COL6A2: variants seen among roughly 807,000 people sequenced by gnomAD.
COL6A2 encodes the protein collagen type VI alpha 2 chain, also known as collagen alpha-2(VI) chain.
COL6A2 carries 90 observed loss-of-function variants against 124.9 expected under a neutral mutation model. That is an observed-to-expected ratio of 0.72 (90% CI 0.61 to 0.86). The LOEUF (loss-of-function observed/expected upper bound fraction) is 0.86. Among genes scored for constraint, COL6A2 ranks in the 40% least tolerant of loss-of-function variants. COL6A2 has a pLI of 0.00. For synonymous variants in COL6A2, 793 were observed against 618.2 expected (o/e 1.28, Z -4.19); for missense variants, 1,607 against 1,502.5 (o/e 1.07, Z -1.15).
In COL6A2 at chr21:46,111,960, C is replaced by CA; in HGVS notation, c.116-18dup. On this transcript the variant is annotated intron_variant, in intron 2 of 27. Coordinates refer to ENST00000300527, the MANE Select transcript of COL6A2 (RefSeq NM_001849.4). ...AGTCCCTCCTGAGGCTGGCTCGTGA[C>CA]AGGTCCTGTGCCCCACAGAGAAGAC... The CA allele has an allele frequency of 6.2e-7, 1 of 1,607,902 alleles. No individual in the cohort carries two copies. Among genetic ancestry groups the CA allele is most frequent in the South Asian group, 1.1e-5 (1 of 91,032 alleles).
chr21:46,098,586 C>T (rs1601197347), intron 1 of COL6A2, among the ~76,000 whole-genome samples: 1 of 151,688 alleles, frequency 6.6e-6, no homozygotes, highest in East Asian at 1.9e-4. Context: ...GCGGGGAAGA[C>T]GCCCCGGCTG....
In COL6A2 at chr21:46,123,534, G is replaced by A. The variant is rs192740499; in HGVS notation, c.1671+597G>A. ...ATGGATGGGCAAGTGGATGGGGGTG[G>A]GCAAATGGATGGATGGGAGGATGGG... On this transcript the variant is annotated intron_variant, in intron 21 of 27. Transcript: ENST00000300527. Among the ~76,000 whole-genome samples, 16 of 151,790 alleles carry A rather than the reference G, an allele frequency of 1.1e-4. No individual in the cohort carries two copies. The East Asian group carries it at 3.1e-3, about 30-fold the overall frequency.
chr21:46,127,057 C>T (rs985566461), intron 27 of COL6A2, among the ~76,000 whole-genome samples: 2 of 152,156 alleles, frequency 1.3e-5, no homozygotes, highest in Admixed American at 6.5e-5. Flanking sequence ...ATGTGGCCCA[C>T]GTGGGTGTGA....
chr21:46,132,432 G>C lies in COL6A2; in HGVS notation c.2940G>C (p.Val980=). 6.2e-7 allele frequency: 1 copy of C among 1,606,748 alleles called. No individual in the cohort carries two copies. The highest frequency in any genetic ancestry group is 8.5e-7 in the Non-Finnish European group (1 of 1,176,842). The change falls in exon 28 of 28, where the codon GTG becomes GTC. Residue 980 remains valine (V), a synonymous_variant. Transcript: ENST00000300527. ...VPTVLALGSD[V]DMDVLTTLSL... is the part of the protein sequence containing the mutation. ...CCGTGCTGGCCTTGGGCAGCGACGTGGACATGGACGTGCTCACCACGCTCA... is the reference window on the plus strand; with the variant it reads ...CCGTGCTGGCCTTGGGCAGCGACGTCGACATGGACGTGCTCACCACGCTCA...
Position 46,132,206 on chromosome 21 carries a change from T to C in COL6A2, c.2714T>C (p.Leu905Pro), listed in dbSNP as rs1342403683. The C allele has an allele frequency of 6.3e-7, 1 of 1,587,304 alleles. No individual in the cohort carries two copies. Among genetic ancestry groups the C allele is most frequent in the Non-Finnish European group, 8.6e-7 (1 of 1,168,030 alleles). Residue 905 changes from leucine to proline, a missense_variant, in exon 28 of 28, where the codon CTG (leucine) becomes CCG (proline). By Grantham distance (98) the Leu-to-Pro change is moderately conservative. Around this residue, in one of 3 missense-constraint regions of COL6A2, gnomAD observed 1,223 missense variants for 1,052.2 expected, o/e 1.16. Coordinates refer to ENST00000300527, the MANE Select transcript of COL6A2 (RefSeq NM_001849.4). ...SHNLTAIHEA[L>P]ETTQYLNSFS... Reference sequence around the variant, plus strand: ...AACCTCACGGCCATCCACGAGGCGCTGGAGACCACACAATACCTGAACTCC... The same window carrying C: ...AACCTCACGGCCATCCACGAGGCGCCGGAGACCACACAATACCTGAACTCC...
chr21:46,115,780 C>A, intron 5 of COL6A2, 92 bp from the exon 6 acceptor site: 2 of 1,147,322 alleles, frequency 1.7e-6, no homozygotes, highest in Non-Finnish European at 2.6e-6. Flanking sequence ...GTAACCTCTG[C>A]TGTGTCACCT....
At position 46,118,531 on chromosome 21, in the gene COL6A2, G is replaced by T. The variant is rs745687425; in HGVS notation, c.1117-83G>T. 6.6e-6 allele frequency: 9 copies of T among 1,353,550 alleles called. No individual in the cohort carries two copies. The African/African-American group carries it at 1.3e-4, about 19-fold the overall frequency. The allele number at this position is 1,353,550 out of a possible 1,614,324, so 83.8% of individuals were successfully genotyped here. A position where few individuals can be genotyped will look rare whatever the true frequency, so the allele number is the denominator to read the frequency against. On this transcript the variant is annotated intron_variant, in intron 12 of 27. Coordinates refer to ENST00000300527, the MANE Select transcript of COL6A2 (RefSeq NM_001849.4). ...GGGAGGTGCAGTCCCAAGCCCGACC[G>T]TGGGTCCTGCCCCCGCAGCGGGCAT...
In COL6A2 at chr21:46,119,138, T is replaced by C; in HGVS notation, c.1269+19T>C. On this transcript the variant is annotated intron_variant, in intron 14 of 27. Coordinates refer to ENST00000300527, the MANE Select transcript of COL6A2 (RefSeq NM_001849.4). ...CGAGCCGGTGAGTCCCTCCTGCCCC[T>C]GCCTCAGGGCCCCGCTCTGGGCATC... 1 of 1,592,750 alleles carries C rather than the reference T, an allele frequency of 6.3e-7. No homozygotes were observed. Among genetic ancestry groups the C allele is most frequent in the South Asian group, 1.1e-5 (1 of 90,148 alleles).
At position 46,117,930 on chromosome 21, in the gene COL6A2, C is replaced by T. The variant is rs371161891; in HGVS notation, c.1110C>T (p.Gly370=). ...GTCCAGGGGAGCGAGGAGACCAAGG[C>T]GGCAAGGTAAGTGGCCTTGTCAGGG... ...AGSPGERGDQ[G]GKGDPGRPGR... The change falls in exon 12 of 28, where the codon GGC becomes GGT. Residue 370 remains glycine (G), a synonymous_variant. Coordinates refer to ENST00000300527, the MANE Select transcript of COL6A2 (RefSeq NM_001849.4). 1.8e-5 allele frequency: 29 copies of T among 1,612,492 alleles called. No individual in the cohort carries two copies. Among genetic ancestry groups the T allele is most frequent in the Middle Eastern group, 1.6e-4 (1 of 6,080 alleles).
chr21:46,115,849 T>C (rs776075744), intron 5 of COL6A2, 23 bp from the exon 6 acceptor site: 4 of 1,612,232 alleles, frequency 2.5e-6, no homozygotes, highest in African/African-American at 1.3e-5. Context: ...CCTGCCTCGA[T>C]GTACTCTTTT....
chr21:46,121,686 G>C (rs1378312758), intron 18 of COL6A2, 68 bp downstream of exon 18: 4 of 1,507,402 alleles, frequency 2.7e-6, no homozygotes, highest in East Asian at 4.6e-5. Context: ...CAGGACAGGG[G>C]GCCGGCCTGG....
intron 26 of COL6A2, 111 bp downstream of exon 26, chr21:46,126,348 T>C: frequency 2.0e-6 from 3 of 1,513,306 alleles, no homozygotes; most frequent in East Asian, 4.5e-5. Flanking sequence ...CAGCCCAGGA[T>C]CTTGGGCTGT....
rs560654553 is a variant in COL6A2 at position 46,132,672 on chromosome 21, C to T, written c.*120C>T. ...ACTCGGACGACGCCCTGGGCCTGCA[C>T]CTCTCCAGCTCCTCCCACGGGGTCC... On this transcript the variant is annotated 3_prime_UTR_variant, in exon 28 of 28. Transcript: ENST00000300527. The T allele has an allele frequency of 3.9e-6, 4 of 1,031,780 alleles. No individual in the cohort carries two copies. The highest frequency in any genetic ancestry group is 2.6e-5 in the East Asian group (1 of 38,172). The allele number at this position is 1,031,780 out of a possible 1,614,324, so 63.9% of individuals were successfully genotyped here.
rs772728908 is a variant in COL6A2, at chr21:46,124,546, C to A, written c.1672-105C>A. 42 of 1,007,716 alleles carry A rather than the reference C, an allele frequency of 4.2e-5. 1 individual carries two copies. Among genetic ancestry groups the A allele is most frequent in the Non-Finnish European group, 5.4e-5 (35 of 643,436 alleles). 62.4% of individuals were successfully genotyped at this position (1,007,716 alleles called of 1,614,324 possible). A position where few individuals can be genotyped will look rare whatever the true frequency, so the allele number is the denominator to read the frequency against. ...CTCCTTGCACCTGTTAGCCCCCCCC[C>A]CCGCCAAGGGAGGACCCGTGGTTGG... is the stretch of plus-strand genomic sequence containing the variant. On this transcript the variant is annotated intron_variant, in intron 21 of 27. Transcript: ENST00000300527.
In COL6A2 at chr21:46,116,846, G is replaced by T. The variant is rs2078479120; in HGVS notation, c.999+32G>T. The T allele has an allele frequency of 6.2e-7, 1 of 1,612,008 alleles. No homozygotes were observed. Among genetic ancestry groups the T allele is most frequent in the South Asian group, 1.1e-5 (1 of 91,050 alleles). On this transcript the variant is annotated intron_variant, in intron 10 of 27. Coordinates refer to ENST00000300527, the MANE Select transcript of COL6A2 (RefSeq NM_001849.4). This position sits in a 1 kb window ranked among gnomAD's most constrained non-coding sequence, Gnocchi z 4.6. ...GGAGCCTCGGGCTCACAGCTGGACT[G>T]GTCTCACAGAGGCATCCCAGCCTCT...
intron 6 of COL6A2, 35 bp from the exon 7 acceptor site, chr21:46,115,974 G>A: frequency 1.2e-6 from 2 of 1,612,380 alleles, no homozygotes; most frequent in Non-Finnish European, 1.7e-6. Context: ...CAGCGCCCCA[G>A]GGCTGGGCTC....
chr21:46,113,962 G>C (rs140169822), intron 4 of COL6A2, 46 bp from the exon 5 acceptor site: 5 of 1,533,532 alleles, frequency 3.3e-6, no homozygotes, highest in South Asian at 2.2e-5. Context: ...GCCACCTGAG[G>C]AATGTCCCAC....
chr21:46,129,340 A>C, intron 27 of COL6A2: 1 of 1,612,940 alleles, frequency 6.2e-7, no homozygotes, highest in Non-Finnish European at 8.5e-7. Context: ...GCCTACTCCC[A>C]GCTGGTGGCC....
rs147044688 is a variant in COL6A2 at position 46,132,105 on chromosome 21, C to A, written c.2613C>A (p.Asp871Glu). 3 of 1,592,052 alleles carry A rather than the reference C, an allele frequency of 1.9e-6. No individual in the cohort carries two copies. The Admixed American group carries it at 5.2e-5, about 28-fold the overall frequency. ...RRLTLARRDD[D>E]PLNARVALLQ... is the part of the protein sequence containing the mutation. ...TGACGCTGGCCCGGAGGGACGACGA[C>A]CCTCTCAACGCACGCGTGGCGCTGC... The change falls in exon 28 of 28, where the codon GAC (aspartate) becomes GAA (glutamate). Residue 871 changes from aspartate to glutamate, a missense_variant. Physicochemically the swap from Asp to Glu is conservative, Grantham distance 45. Coordinates refer to ENST00000300527, the MANE Select transcript of COL6A2 (RefSeq NM_001849.4).
Sources: gnomAD v4.1 joint callset for allele counts (sites outside exome capture counted in the v4.1 genomes callset) on GRCh38, gnomAD v4.1.1 for gene constraint, gnomAD v4.1.1 regional missense constraint, Gnocchi (gnomAD v3.1) non-coding constraint, MANE v1.5 for transcripts, NCBI Gene and HGNC (gene_info 2026-07-23, HGNC 2026-07-21) for gene names.